LRMDA: variants seen among roughly 807,000 people sequenced by gnomAD.
The protein encoded by LRMDA is leucine-rich melanocyte differentiation-associated protein.
A neutral mutation model predicts 29.8 loss-of-function variants in LRMDA; 18 were observed. That is an observed-to-expected ratio of 0.60 (90% CI 0.42 to 0.90). The LOEUF (loss-of-function observed/expected upper bound fraction) is 0.90. Among genes scored for constraint, LRMDA ranks in the 40% least tolerant of loss-of-function variants. LRMDA has a pLI of 0.00. For missense variants in LRMDA, 273 were observed against 273.9 expected (o/e 1.00, Z 0.02); for synonymous variants, 125 against 109.4 (o/e 1.14, Z -0.89).
chr10:76,389,797 C>A (rs1403904084), intron 6 of LRMDA, among the ~76,000 whole-genome samples: 1 of 152,144 alleles, frequency 6.6e-6, no homozygotes, highest in African/African-American at 2.4e-5. Context: ...CAGCATGTGT[C>A]AAAATTTCCT....
chr10:76,190,850 C>T (rs10824383), intron 5 of LRMDA, among the ~76,000 whole-genome samples: 25,669 of 152,100 alleles, frequency 0.17, 2,754 homozygotes, highest in East Asian at 0.52. Flanking sequence ...AAGGGAGGGC[C>T]GGGTATTCAG....
intron 5 of LRMDA, among the ~76,000 whole-genome samples, chr10:76,102,706 G>A (rs1342534909): frequency 6.6e-6 from 1 of 152,112 alleles, no homozygotes; most frequent in East Asian, 1.9e-4. Context: ...AAGCTGTACT[G>A]CAGTGGCGCA....
chr10:76,030,028 TG>T lies in LRMDA; in HGVS notation c.132-5977del, dbSNP rs532257857. Among the ~76,000 whole-genome samples the T allele has an allele frequency of 1.2e-3, 182 of 152,308 alleles. 1 individual carries two copies. The highest frequency in any genetic ancestry group is 4.0e-3 in the African/African-American group (166 of 41,570). On this transcript the variant is annotated intron_variant, in intron 2 of 6. Transcript: ENST00000611255. ...CTCTTGCCTCAGCCTCCTGAATAGC[TG>T]GGACTACAGGCTCACACCATCATGC...
intron 2 of LRMDA, among the ~76,000 whole-genome samples, chr10:75,509,511 C>G (rs1237775075): frequency 6.6e-6 from 1 of 152,034 alleles, no homozygotes; most frequent in Non-Finnish European, 1.5e-5. Context: ...AATACTGATG[C>G]CAGAAGGGTG....
chr10:76,375,394 A>G (rs1363825789), intron 6 of LRMDA, among the ~76,000 whole-genome samples: 1 of 152,182 alleles, frequency 6.6e-6, no homozygotes, highest in Non-Finnish European at 1.5e-5. Flanking sequence ...TCTTTAATAA[A>G]ACTGTCACTT....
chr10:76,331,881 A>C (rs1477646314), intron 6 of LRMDA, among the ~76,000 whole-genome samples: 1 of 152,174 alleles, frequency 6.6e-6, no homozygotes, highest in African/African-American at 2.4e-5. Flanking sequence ...AATCGAGGTG[A>C]CTAGTGATTT....
chr10:75,664,746 G>T (rs1242175615), intron 2 of LRMDA, among the ~76,000 whole-genome samples: 1 of 152,208 alleles, frequency 6.6e-6, no homozygotes, highest in East Asian at 1.9e-4. Flanking sequence ...GGATGAAAAA[G>T]ATTGAAGGCA....
chr10:76,472,116 A>G (rs1210674775), intron 6 of LRMDA, among the ~76,000 whole-genome samples: 1 of 151,744 alleles, frequency 6.6e-6, no homozygotes, highest in Non-Finnish European at 1.5e-5. Context: ...GCAACATCAG[A>G]ATGCACACTC....
At chr10:75,690,980 T>A (rs112778806) in intron 2 of LRMDA, among the ~76,000 whole-genome samples, 18,105 of 94,206 alleles carry the variant, frequency 0.19, 1,683 homozygotes, top group African/African-American at 0.3. Context: ...AAAAAAAAAA[T>A]ATATATATAT....
intron 5 of LRMDA, among the ~76,000 whole-genome samples, chr10:76,147,728 G>A (rs113631993): frequency 1.3e-5 from 2 of 152,272 alleles, no homozygotes; most frequent in African/African-American, 4.8e-5. Context: ...TTGCTGGTGA[G>A]GAGCTGCGTT....
chr10:75,878,516 G>C (rs1845238932), intron 2 of LRMDA, among the ~76,000 whole-genome samples: 1 of 152,038 alleles, frequency 6.6e-6, no homozygotes, highest in Non-Finnish European at 1.5e-5. Context: ...GCTGGTGTCT[G>C]TTGGTGTGCT....
intron 6 of LRMDA, among the ~76,000 whole-genome samples, chr10:76,452,957 T>C (rs999953268): frequency 6.6e-6 from 1 of 152,232 alleles, no homozygotes; most frequent in Non-Finnish European, 1.5e-5. Flanking sequence ...GAACAGGGTC[T>C]GGACTTCTAT....
At chr10:75,618,355 ACTCT>A (rs753240055) in intron 2 of LRMDA, among the ~76,000 whole-genome samples, 1,352 of 131,768 alleles carry the variant, frequency 0.01, 6 homozygotes, top group South Asian at 0.022. Context: ...TCTTTACCAG[ACTCT>A]CTCTCTCTCT....
chr10:76,435,932 G>A (rs1465498127), intron 6 of LRMDA, among the ~76,000 whole-genome samples: 1 of 152,242 alleles, frequency 6.6e-6, no homozygotes. Flanking sequence ...CAGATGGATT[G>A]TGAGGGTTAG....
intron 2 of LRMDA, among the ~76,000 whole-genome samples, chr10:75,719,210 AG>A: frequency 6.6e-6 from 1 of 152,338 alleles, no homozygotes; most frequent in African/African-American, 2.4e-5. Flanking sequence ...ACTGAGTTTA[AG>A]AAGGATGCAG....
intron 6 of LRMDA, among the ~76,000 whole-genome samples, chr10:76,330,792 A>T (rs1282671736): frequency 6.6e-6 from 1 of 152,182 alleles, no homozygotes; most frequent in East Asian, 1.9e-4. Flanking sequence ...TCATTTTTAG[A>T]TTTCTACTAT....
intron 2 of LRMDA, among the ~76,000 whole-genome samples, chr10:75,680,558 T>C (rs1433946993): frequency 1.3e-5 from 2 of 152,314 alleles, no homozygotes; most frequent in Non-Finnish European, 2.9e-5. Flanking sequence ...ACATATTGTA[T>C]ATGCTCAATA....
intron 6 of LRMDA, among the ~76,000 whole-genome samples, chr10:76,540,151 T>A (rs1241295599): frequency 1.6e-5 from 2 of 126,776 alleles, no homozygotes; most frequent in Admixed American, 7.2e-5. Context: ...ATGCCCATAT[T>A]CAACACACAT....
chr10:75,747,831 C>T (rs574652950), intron 2 of LRMDA, among the ~76,000 whole-genome samples: 5 of 151,946 alleles, frequency 3.3e-5, no homozygotes, highest in African/African-American at 9.7e-5. Flanking sequence ...AGTGTCCCCT[C>T]TTCTACACTA....
Sources: allele counts gnomAD v4.1 joint callset (sites outside exome capture counted in the v4.1 genomes callset), GRCh38; gene constraint gnomAD v4.1.1; transcripts MANE v1.5; gene names NCBI Gene and HGNC (gene_info 2026-07-23, HGNC 2026-07-21).